The following GK5 variants were observed in gnomAD, a reference collection of about 807,000 sequenced individuals.
GK5 encodes the protein ATP:glycerol 3-phosphotransferase 5.
Under a neutral mutation model 77.3 loss-of-function variants are expected in GK5, and 39 were observed. That is an observed-to-expected ratio of 0.50 (90% CI 0.39 to 0.66). The LOEUF is 0.66. GK5 is among the 30% of genes least tolerant of loss of function. GK5 has a pLI of 0.00. For synonymous variants in GK5, 211 were observed against 208.0 expected, an observed-to-expected ratio of 1.01 and a Z score of -0.13; for missense variants, 487 against 633.8, an observed-to-expected ratio of 0.77 and a Z score of 2.49.
chr3:142,198,164 T>C (rs906214794), intron 5 of GK5, among the ~76,000 whole-genome samples: 1 of 152,046 alleles, frequency 6.6e-6, no homozygotes, highest in African/African-American at 2.4e-5. Context: ...CAAATGTACA[T>C]GAATAGAATA....
chr3:142,178,613 C>T (rs1363236801), intron 11 of GK5, among the ~76,000 whole-genome samples: 3 of 152,152 alleles, frequency 2.0e-5, no homozygotes, highest in Non-Finnish European at 4.4e-5. Flanking sequence ...TCATTCTCAC[C>T]TCTATATAGT....
At chr3:142,170,184 A>G (rs2063519125) in intron 15 of GK5, 141 bp downstream of exon 15, 1 of 851,596 alleles carries the variant, frequency 1.2e-6, no homozygotes, top group Non-Finnish European at 2.0e-6. Flanking sequence ...ATATTTTGTG[A>G]GTAATATGCA....
chr3:142,189,334 A>G (rs1376781994), intron 5 of GK5, among the ~76,000 whole-genome samples: 2 of 152,250 alleles, frequency 1.3e-5, no homozygotes, highest in Non-Finnish European at 2.9e-5. Flanking sequence ...AAATGACATG[A>G]GTTCCAAAAA....
chr3:142,167,189 T>C (rs2063481605), intron 15 of GK5, among the ~76,000 whole-genome samples: 1 of 151,782 alleles, frequency 6.6e-6, no homozygotes, highest in African/African-American at 2.4e-5. Flanking sequence ...CCTTGGGCAA[T>C]ATGGTGAAAC....
At chr3:142,201,066 G>C (rs2064014195) in intron 4 of GK5, among the ~76,000 whole-genome samples, 1 of 152,194 alleles carries the variant, frequency 6.6e-6, no homozygotes, top group Non-Finnish European at 1.5e-5. Context: ...AGTCACTCTT[G>C]AAAACAGTTT....
At chr3:142,225,248 C>T (rs1288137629) in intron 1 of GK5, 61 bp downstream of exon 1, 10 of 1,449,354 alleles carry the variant, frequency 6.9e-6, no homozygotes, top group South Asian at 4.1e-5. Flanking sequence ...CTCCCGAGGC[C>T]GGACCCCGGG....
intron 5 of GK5, among the ~76,000 whole-genome samples, chr3:142,190,351 C>T (rs7643642): frequency 0.13 from 19,839 of 152,112 alleles, 1,476 homozygotes; most frequent in Middle Eastern, 0.21. Flanking sequence ...GAAGTCATTA[C>T]TTACATCCTC....
chr3:142,173,891 C>T (rs1368065010), intron 12 of GK5, among the ~76,000 whole-genome samples: 1 of 152,126 alleles, frequency 6.6e-6, no homozygotes, highest in Non-Finnish European at 1.5e-5. Context: ...GGTTTTGACA[C>T]ATCATCCCTT....
Position 142,185,743 on chromosome 3 carries a change from C to T in GK5, c.816+186G>A, listed in dbSNP as rs746618055. Reference sequence around the variant, plus strand: ...CATGATAGAATACTGGCTCAATGGTCCCCTTCCCAAAAATATAGCAGATAT... The same window carrying T: ...CATGATAGAATACTGGCTCAATGGTTCCCTTCCCAAAAATATAGCAGATAT... On this transcript the variant is annotated intron_variant, in intron 9 of 15. Coordinates refer to ENST00000392993, the MANE Select transcript of GK5 (RefSeq NM_001039547.3). 3 of 1,547,772 alleles carry T rather than the reference C, an allele frequency of 1.9e-6. No homozygotes were observed. In the South Asian group the frequency reaches 3.5e-5, roughly 18 times the overall value.
At chr3:142,185,769 T>G in intron 9 of GK5, 160 bp downstream of exon 9, 1 of 1,558,584 alleles carries the variant, frequency 6.4e-7, no homozygotes. Context: ...TAGCAGATAT[T>G]CTGGTCATAT....
Position 142,211,276 on chromosome 3 carries a change from A to G in GK5, c.317+2250T>C, listed in dbSNP as rs182361862. Among the ~76,000 whole-genome samples, 241 of 152,342 alleles carry G rather than the reference A, an allele frequency of 1.6e-3. 1 individual carries two copies. Among genetic ancestry groups the G allele is most frequent in the African/African-American group, 5.6e-3 (233 of 41,584 alleles). On this transcript the variant is annotated intron_variant, in intron 3 of 15. Coordinates refer to ENST00000392993, the MANE Select transcript of GK5 (RefSeq NM_001039547.3). ...GCTGCAACACCACAGGACGGTCCCC[A>G]TGACAACGAATTATTCAGCTCAAAA...
intron 2 of GK5, among the ~76,000 whole-genome samples, chr3:142,213,915 C>T (rs1445954020): frequency 3.3e-5 from 5 of 152,104 alleles, no homozygotes; most frequent in Non-Finnish European, 5.9e-5. Flanking sequence ...CTCTGCCTCC[C>T]GGGTTCAAGC....
intron 15 of GK5, among the ~76,000 whole-genome samples, chr3:142,166,258 A>G (rs958209076): frequency 2.0e-5 from 3 of 152,148 alleles, no homozygotes; most frequent in Admixed American, 1.3e-4. Flanking sequence ...AAAAATAGAA[A>G]AACAGAAGAA....
At position 142,158,889 on chromosome 3, in the gene GK5, C is replaced by T. The variant is rs1398735804; in HGVS notation, c.*6733G>A. 1 of 152,100 alleles carries T rather than the reference C, an allele frequency of 6.6e-6. No homozygotes were observed. The highest frequency in any genetic ancestry group is 1.5e-5 in the Non-Finnish European group (1 of 68,032). The allele number at this position is 152,100 out of a possible 1,614,324, so 9.4% of individuals were successfully genotyped here. On this transcript the variant is annotated 3_prime_UTR_variant, in exon 16 of 16. Transcript: ENST00000392993. ...ACTATTATACAGTATTAGTACCATA[C>T]TCTATAATGAGCAAAGAAAGAATAT...
intron 3 of GK5, among the ~76,000 whole-genome samples, chr3:142,205,308 T>TAA (rs886993670): frequency 6.7e-6 from 1 of 148,582 alleles, no homozygotes; most frequent in African/African-American, 2.5e-5. Flanking sequence ...AATATAGAAG[T>TAA]AAAAAAAAAA....
At chr3:142,191,272 C>T (rs1472907612) in intron 5 of GK5, among the ~76,000 whole-genome samples, 3 of 151,992 alleles carry the variant, frequency 2.0e-5, no homozygotes, top group Admixed American at 2.0e-4. Context: ...TCGTGATCCG[C>T]CCACCTCGGC....
chr3:142,170,946 T>C (rs987159378), intron 14 of GK5, among the ~76,000 whole-genome samples: 40 of 152,098 alleles, frequency 2.6e-4, no homozygotes, highest in African/African-American at 9.4e-4. Flanking sequence ...AATTTTGTTG[T>C]AGCTGGGCGC....
At chr3:142,177,385 T>C (rs974101036) in intron 12 of GK5, 97 bp downstream of exon 12, 1 of 721,414 alleles carries the variant, frequency 1.4e-6, no homozygotes, top group Non-Finnish European at 2.4e-6. Flanking sequence ...TGTTCAGTGC[T>C]CAAATTTTAA....
chr3:142,163,275 T>C lies in GK5; in HGVS notation c.*2347A>G, dbSNP rs2063439489. On this transcript the variant is annotated 3_prime_UTR_variant, in exon 16 of 16. Transcript: ENST00000392993. ...TCCAACATTATCTGAAAAGTATTGA[T>C]CCTTTTTTTTTTTTTTTGAGACGCA... is the stretch of plus-strand genomic sequence containing the variant. 1.6e-5 allele frequency: 2 copies of C among 128,622 alleles called. No individual in the cohort carries two copies. Among genetic ancestry groups the C allele is most frequent in the Admixed American group, 1.5e-4 (2 of 13,198 alleles). 8.0% of individuals were successfully genotyped at this position (128,622 alleles called of 1,614,324 possible).
Sources: gnomAD v4.1 joint callset for allele counts (sites outside exome capture counted in the v4.1 genomes callset) on GRCh38, gnomAD v4.1.1 for gene constraint, MANE v1.5 for transcripts, NCBI Gene and HGNC (gene_info 2026-07-23, HGNC 2026-07-21) for gene names.